SLC5A4: variants seen among roughly 807,000 people sequenced by gnomAD.
The protein encoded by SLC5A4 is solute carrier family 5 member 4, also known as probable glucose sensor protein SLC5A4.
SLC5A4 carries 55 observed loss-of-function variants against 70.3 expected under a neutral mutation model. The ratio of observed to expected loss-of-function variants is 0.78; its 90% CI spans 0.63 to 0.98. The LOEUF is 0.98. SLC5A4 is among the 50% of genes least tolerant of loss of function. The pLI is 0.00. For missense variants in SLC5A4, 735 were observed against 839.2 expected (o/e 0.88, Z 1.53); for synonymous variants, 268 against 305.7 (o/e 0.88, Z 1.29).
the SLC5A4 span, among the ~76,000 whole-genome samples, chr22:32,326,441 G>A: frequency 6.6e-6 from 1 of 151,906 alleles, no homozygotes; most frequent in African/African-American, 2.4e-5. Context: ...ATTTTTAGTA[G>A]AGACAGTTTC....
chr22:32,329,412 C>T, the SLC5A4 span, among the ~76,000 whole-genome samples: 32 of 152,110 alleles, frequency 2.1e-4, no homozygotes, highest in Admixed American at 1.9e-3. Context: ...CACAGCGGGG[C>T]CGCGGACATG....
At chr22:32,337,869 G>A in the SLC5A4 span, among the ~76,000 whole-genome samples, 1 of 152,206 alleles carries the variant, frequency 6.6e-6, no homozygotes, top group African/African-American at 2.4e-5. Flanking sequence ...GGTAAATGTA[G>A]CAAAAGAACT....
chr22:32,331,784 C>A, the SLC5A4 span, among the ~76,000 whole-genome samples: 1 of 152,086 alleles, frequency 6.6e-6, no homozygotes, highest in Non-Finnish European at 1.5e-5. Flanking sequence ...AGATCCCATG[C>A]CCCTCGGCTG....
chr22:32,254,826 C>T (rs1927381117), intron 1 of SLC5A4, among the ~76,000 whole-genome samples: 1 of 151,866 alleles, frequency 6.6e-6, no homozygotes, highest in Non-Finnish European at 1.5e-5. Flanking sequence ...AATTTGCAGT[C>T]TCAAATTTAT....
At chr22:32,309,748 C>A in the SLC5A4 span, among the ~76,000 whole-genome samples, 1 of 152,102 alleles carries the variant, frequency 6.6e-6, no homozygotes, top group Non-Finnish European at 1.5e-5. Context: ...GGGCCGTGAC[C>A]CCCTGGCACC....
the SLC5A4 span, among the ~76,000 whole-genome samples, chr22:32,297,540 CTCT>C: frequency 8.9e-5 from 7 of 78,582 alleles, 2 homozygotes; most frequent in Non-Finnish European, 1.8e-4. Flanking sequence ...TGATTCTTCT[CTCT>C]TTTTTTCTTT....
the SLC5A4 span, among the ~76,000 whole-genome samples, chr22:32,308,315 T>C: frequency 2.2e-5 from 1 of 46,406 alleles, no homozygotes; most frequent in Admixed American, 2.1e-4. Context: ...CCCCATGTCC[T>C]TGAATGGCAG....
chr22:32,327,736 G>A, the SLC5A4 span, among the ~76,000 whole-genome samples: 17,347 of 112,924 alleles, frequency 0.15, 1,334 homozygotes, highest in Non-Finnish European at 0.21. Flanking sequence ...CAATGTGCAC[G>A]GGTTTGGGAC....
the SLC5A4 span, among the ~76,000 whole-genome samples, chr22:32,329,294 T>C: frequency 3.3e-5 from 5 of 152,272 alleles, no homozygotes; most frequent in Admixed American, 2.6e-4. Context: ...AGTTTACTCA[T>C]CTGCTACATG....
In SLC5A4 at chr22:32,218,643, C is replaced by G. The variant is rs938249211; in HGVS notation, c.1851G>C (p.Lys617Asn). The change falls in exon 15 of 15, where the codon AAG becomes AAC. Residue 617 changes from lysine (K) to asparagine (N), a missense_variant. Transcript: ENST00000266086. ...CGLQKGPKLT[K>N]EEEEALSKKL... Reference sequence around the variant, plus strand: ...TCTTGCTCAAGGCTTCCTCCTCCTCCTTGGTTAGCTTGGGTCCCTTCTGCA... The same window carrying G: ...TCTTGCTCAAGGCTTCCTCCTCCTCGTTGGTTAGCTTGGGTCCCTTCTGCA... The G allele has an allele frequency of 1.2e-6, 2 of 1,613,818 alleles. No homozygotes were observed. Among genetic ancestry groups the G allele is most frequent in the African/African-American group, 2.7e-5 (2 of 74,858 alleles).
In SLC5A4 at chr22:32,232,967, G is replaced by A. The variant is rs966289055; in HGVS notation, c.953C>T (p.Ala318Val). 1 of 1,614,188 alleles carries A rather than the reference G, an allele frequency of 6.2e-7. No homozygotes were observed. The highest frequency in any genetic ancestry group is 1.1e-5 in the South Asian group (1 of 91,072). The change falls in exon 9 of 15, where the codon GCT (alanine) becomes GTT (valine). Residue 318 changes from alanine (A) to valine (V), a missense_variant. Physicochemically the swap from Ala to Val is moderately conservative, Grantham distance 64. Transcript: ENST00000266086. ...SHVKAACIMC[A>V]YLKLLPMFLM... ...GAACATGGGCAGCAGCTTCAGGTAA[G>A]CACACATAATGCAAGCGGCCTTCAC...
the SLC5A4 span, among the ~76,000 whole-genome samples, chr22:32,332,313 A>T: frequency 3.3e-5 from 5 of 151,484 alleles, no homozygotes; most frequent in South Asian, 1.0e-3. Flanking sequence ...CCTCCCCCAC[A>T]CTCATGCCAC....
chr22:32,338,149 A>T, the SLC5A4 span, among the ~76,000 whole-genome samples: 4 of 152,236 alleles, frequency 2.6e-5, no homozygotes, highest in African/African-American at 9.6e-5. Flanking sequence ...ACTTGATTTC[A>T]AGTCAGTTAA....
chr22:32,281,145 G>C, the SLC5A4 span, among the ~76,000 whole-genome samples: 1 of 152,164 alleles, frequency 6.6e-6, no homozygotes, highest in Non-Finnish European at 1.5e-5. Context: ...TGCCTCTCAG[G>C]CTCATCCTGC....
At chr22:32,247,321 C>T in intron 5 of SLC5A4, 90 bp downstream of exon 5, 1 of 764,544 alleles carries the variant, frequency 1.3e-6, no homozygotes, top group South Asian at 1.5e-5. Context: ...AGGCTGTTGA[C>T]AGTCTACACA....
At chr22:32,256,935 G>C (rs984674638), upstream of SLC5A4, among the ~76,000 whole-genome samples, 1 of 152,180 alleles carries the variant, frequency 6.6e-6, no homozygotes, top group Non-Finnish European at 1.5e-5. Context: ...TCTATATGTA[G>C]AAGTGGAATT....
chr22:32,309,880 GCTAT>G, the SLC5A4 span, among the ~76,000 whole-genome samples: 2 of 151,806 alleles, frequency 1.3e-5, no homozygotes, highest in African/African-American at 2.4e-5. Flanking sequence ...TTTGCTGCAA[GCTAT>G]CTATACCATG....
At chr22:32,271,469 A>C in the SLC5A4 span, 1 of 748,220 alleles carries the variant, frequency 1.3e-6, no homozygotes, top group African/African-American at 1.7e-5. Flanking sequence ...GCAATCTCAA[A>C]GTCCACTTTA....
In SLC5A4 at chr22:32,220,032, AACACAC is replaced by A. The variant is rs3069413; in HGVS notation, c.1768+882_1768+887del. ...AATTTGATCAGTAATTAAGATGTGC[AACACAC>A]ACACACACACACACACACACACAGC... On this transcript the variant is annotated intron_variant, in intron 14 of 14. Transcript: ENST00000266086. 8.5e-4 allele frequency among the ~76,000 whole-genome samples: 128 copies of A among 149,724 alleles called. No homozygotes were observed. In the South Asian group the frequency reaches 0.018, roughly 21 times the overall value.
Sources: allele counts gnomAD v4.1 joint callset (sites outside exome capture counted in the v4.1 genomes callset), GRCh38; gene constraint gnomAD v4.1.1; transcripts MANE v1.5; gene names NCBI Gene and HGNC (gene_info 2026-07-23, HGNC 2026-07-21).